The following ARHGEF10L variants were observed in gnomAD, a reference collection of about 807,000 sequenced individuals.
ARHGEF10L encodes the protein rho guanine nucleotide exchange factor 10-like protein.
ARHGEF10L carries 69 observed loss-of-function variants against 141.2 expected under a neutral mutation model. That is an observed-to-expected ratio of 0.49 (90% CI 0.40 to 0.60). The LOEUF (loss-of-function observed/expected upper bound fraction) is 0.60. Among genes scored for constraint, ARHGEF10L ranks in the 20% least tolerant of loss-of-function variants. ARHGEF10L has a pLI of 0.00. For synonymous variants in ARHGEF10L, 711 were observed against 718.5 expected (o/e 0.99, Z 0.17); for missense variants, 1,482 against 1,734.3 (o/e 0.85, Z 2.58).
At chr1:17,579,174 C>G (rs1557731998) in intron 1 of ARHGEF10L, among the ~76,000 whole-genome samples, 1 of 152,188 alleles carries the variant, frequency 6.6e-6, no homozygotes, top group Non-Finnish European at 1.5e-5. Flanking sequence ...GCATGTGCCA[C>G]CATGCCCAGC....
the ARHGEF10L span, among the ~76,000 whole-genome samples, chr1:17,521,206 G>GT: frequency 5.3e-5 from 8 of 151,976 alleles, no homozygotes; most frequent in Non-Finnish European, 5.9e-5. Flanking sequence ...GTTTTGTTTT[G>GT]TTTTTTTGAG....
rs895306588 is a variant in ARHGEF10L, at chr1:17,638,134, T to C, written c.2043+131T>C. ...GATGTGCTCCTAGCTTCTGAGCTCCTGTTGGCAACTGTCGCTGCTGAAGCT... is the reference window on the plus strand; with the variant it reads ...GATGTGCTCCTAGCTTCTGAGCTCCCGTTGGCAACTGTCGCTGCTGAAGCT... On this transcript the variant is annotated intron_variant, in intron 19 of 28. Transcript: ENST00000361221. 5 of 810,858 alleles carry C rather than the reference T, an allele frequency of 6.2e-6. No homozygotes were observed. In the South Asian group the frequency reaches 7.3e-5, roughly 12 times the overall value. The allele number at this position is 810,858 out of a possible 1,614,324, so 50.2% of individuals were successfully genotyped here. A position where few individuals can be genotyped will look rare whatever the true frequency, so the allele number is the denominator to read the frequency against.
At chr1:17,641,749 C>T (rs937474864) in intron 21 of ARHGEF10L, among the ~76,000 whole-genome samples, 110 of 151,844 alleles carry the variant, frequency 7.2e-4, no homozygotes, top group African/African-American at 5.1e-4. Context: ...GAGGCCGAGG[C>T]GGGCAGATCA....
chr1:17,695,916 G>T (rs1160042349), intron 28 of ARHGEF10L, among the ~76,000 whole-genome samples: 1 of 152,152 alleles, frequency 6.6e-6, no homozygotes, highest in Non-Finnish European at 1.5e-5. Context: ...AATTGCTTTG[G>T]CTGGGCGCGG....
rs577486275 is a variant in ARHGEF10L at position 17,666,869 on chromosome 1, C to A, written c.3009+2274C>A. Among the ~76,000 whole-genome samples the A allele has an allele frequency of 1.8e-3, 277 of 151,362 alleles. 4 individuals carry two copies. Among genetic ancestry groups the A allele is most frequent in the East Asian group, 3.2e-3 (16 of 5,060 alleles). ...TCCCTGCTATCACCCCAGCCCACCCCACCCCATCTCTTTCCTCCAAGGGCC... is the reference window on the plus strand; with the variant it reads ...TCCCTGCTATCACCCCAGCCCACCCAACCCCATCTCTTTCCTCCAAGGGCC... On this transcript the variant is annotated intron_variant, in intron 26 of 28. Coordinates refer to ENST00000361221, the MANE Select transcript of ARHGEF10L (RefSeq NM_018125.4).
At chr1:17,636,836 A>G (rs1473717821) in intron 18 of ARHGEF10L, among the ~76,000 whole-genome samples, 2 of 152,168 alleles carry the variant, frequency 1.3e-5, no homozygotes, top group African/African-American at 4.8e-5. Context: ...GGGCTTCATA[A>G]GACCTCAGTG....
At chr1:17,641,221 C>T (rs2061311917) in intron 21 of ARHGEF10L, among the ~76,000 whole-genome samples, 1 of 152,228 alleles carries the variant, frequency 6.6e-6, no homozygotes, top group Non-Finnish European at 1.5e-5. Flanking sequence ...CTATTATTCC[C>T]TATGATGTAC....
chr1:17,691,830 A>T (rs2065131755), intron 27 of ARHGEF10L, among the ~76,000 whole-genome samples: 1 of 152,132 alleles, frequency 6.6e-6, no homozygotes, highest in Admixed American at 6.5e-5. Flanking sequence ...TCCTTCATCC[A>T]TCCATCTGTC....
At chr1:17,521,002 C>T in the ARHGEF10L span, among the ~76,000 whole-genome samples, 4 of 152,174 alleles carry the variant, frequency 2.6e-5, no homozygotes, top group Admixed American at 6.5e-5. Flanking sequence ...CTTTTCCACT[C>T]GGCTCTCTCC....
intron 15 of ARHGEF10L, among the ~76,000 whole-genome samples, chr1:17,632,021 A>G (rs1374789732): frequency 6.6e-6 from 1 of 152,186 alleles, no homozygotes; most frequent in East Asian, 1.9e-4. Context: ...CAGAATCCCT[A>G]CAGAGAGGGG....
chr1:17,692,586 T>C (rs955253067), intron 27 of ARHGEF10L, among the ~76,000 whole-genome samples: 5 of 152,140 alleles, frequency 3.3e-5, no homozygotes, highest in African/African-American at 1.2e-4. Context: ...CTAAAACAGG[T>C]TGGGCTCTCC....
chr1:17,588,290 A>ACTGGGCCACT (rs1188811225), intron 3 of ARHGEF10L, among the ~76,000 whole-genome samples, 156 bp from the exon 4 acceptor site: 2 of 20,234 alleles, frequency 9.9e-5, no homozygotes, highest in Non-Finnish European at 1.9e-4. Flanking sequence ...TGACTGAGCC[A>ACTGGGCCACT]GGGCTGGGGG....
At chr1:17,631,827 C>T (rs554525543) in intron 15 of ARHGEF10L, among the ~76,000 whole-genome samples, 5 of 152,226 alleles carry the variant, frequency 3.3e-5, no homozygotes, top group African/African-American at 7.2e-5. Flanking sequence ...TAGCCAGACC[C>T]GGTCACATGT....
rs1423444704 is a variant in ARHGEF10L at position 17,696,877 on chromosome 1, T to C, written c.3337T>C (p.Cys1113Arg). 1 of 1,589,952 alleles carries C rather than the reference T, an allele frequency of 6.3e-7. No homozygotes were observed. The part of the protein sequence containing the change: ...GKGMVSLNGH[C>R]GPVAFLAVAT... ...AGGCATGGTCTCACTCAACGGGCACTGTGGGCCTGTGGCCTTCCTGGCTGT... is the reference window on the plus strand; with the variant it reads ...AGGCATGGTCTCACTCAACGGGCACCGTGGGCCTGTGGCCTTCCTGGCTGT... Residue 1113 changes from cysteine (C) to arginine (R), a missense_variant, in exon 29 of 29, where the codon TGT (cysteine) becomes CGT (arginine). Around this residue, in one of 3 missense-constraint regions of ARHGEF10L, gnomAD observed 858 missense variants for 966.3 expected, o/e 0.89. Coordinates refer to ENST00000361221, the MANE Select transcript of ARHGEF10L (RefSeq NM_018125.4).
chr1:17,520,804 A>G, the ARHGEF10L span, among the ~76,000 whole-genome samples: 2 of 152,184 alleles, frequency 1.3e-5, no homozygotes, highest in African/African-American at 2.4e-5. Flanking sequence ...TGAGGGATGC[A>G]GCTTGAGATG....
At chr1:17,570,428 A>T (rs921291885) in intron 1 of ARHGEF10L, among the ~76,000 whole-genome samples, 1 of 152,010 alleles carries the variant, frequency 6.6e-6, no homozygotes. Context: ...AGGCAGTGGG[A>T]ACAGCAAGTG....
chr1:17,632,877 C>A (rs1295893423), intron 16 of ARHGEF10L, among the ~76,000 whole-genome samples: 3 of 152,228 alleles, frequency 2.0e-5, no homozygotes, highest in East Asian at 3.8e-4. Flanking sequence ...GCCTTTCCCC[C>A]ACAGACCGGA....
At chr1:17,655,232 A>C (rs2062153041) in intron 23 of ARHGEF10L, among the ~76,000 whole-genome samples, 1 of 152,154 alleles carries the variant, frequency 6.6e-6, no homozygotes, top group Non-Finnish European at 1.5e-5. Context: ...ATGATCTAGC[A>C]CATGGTATAT....
At chr1:17,587,374 C>T (rs911661310) in intron 2 of ARHGEF10L, 86 bp from the exon 3 acceptor site, 10 of 1,381,722 alleles carry the variant, frequency 7.2e-6, no homozygotes, top group Non-Finnish European at 9.9e-6. Context: ...TCACCCAGTT[C>T]CAGCCATGCC....
Sources: allele counts gnomAD v4.1 joint callset (sites outside exome capture counted in the v4.1 genomes callset), GRCh38; gene constraint gnomAD v4.1.1; regional missense constraint gnomAD v4.1.1; transcripts MANE v1.5; gene names NCBI Gene and HGNC (gene_info 2026-07-23, HGNC 2026-07-21).